PABPC4: variants seen among roughly 807,000 people sequenced by gnomAD.
The protein encoded by PABPC4 is polyadenylate-binding protein 4.
In PABPC4, 15 loss-of-function variants were observed where a neutral mutation model predicts 74.5. The observed-to-expected ratio is 0.20, with a 90% CI of 0.13 to 0.31. The LOEUF is 0.31. Ranked by LOEUF, PABPC4 falls within the 10% of genes least tolerant of loss-of-function variation. The pLI is 1.00. For synonymous variants in PABPC4, 345 were observed against 303.0 expected, an observed-to-expected ratio of 1.14 and a Z score of -1.44; for missense variants, 610 against 853.5, an observed-to-expected ratio of 0.71 and a Z score of 3.55.
intron 7 of PABPC4, among the ~76,000 whole-genome samples, chr1:39,566,457 C>A (rs1645844703): frequency 6.6e-6 from 1 of 152,176 alleles, no homozygotes; most frequent in South Asian, 2.1e-4. Flanking sequence ...GCTACAAAAC[C>A]ACAGGTCTAC....
At position 39,565,226 on chromosome 1, in the gene PABPC4, C is replaced by A; in HGVS notation, c.1125G>T (p.Lys375Asn). The change falls in exon 8 of 16, where the codon AAG becomes AAT. Residue 375 changes from lysine (K) to asparagine (N), a missense_variant. Physicochemically the swap from Lys to Asn is moderately conservative, Grantham distance 94. This residue lies in a region of PABPC4 where 304 missense variants were observed against 478.9 expected (regional missense o/e 0.63). Transcript: ENST00000372858. ...VALAQRKEER[K>N]AHLTNQYMQR... is the part of the protein sequence containing the mutation. Reference sequence around the variant, plus strand: ...GCATATACTGGTTGGTCAGGTGAGCCTTTCTCTCTTCCTTCCTCTGGGCCA... The same window carrying A: ...GCATATACTGGTTGGTCAGGTGAGCATTTCTCTCTTCCTTCCTCTGGGCCA... 1 of 1,614,208 alleles carries A rather than the reference C, an allele frequency of 6.2e-7. No individual in the cohort carries two copies. Among genetic ancestry groups the A allele is most frequent in the Non-Finnish European group, 8.5e-7 (1 of 1,180,044 alleles).
At chr1:39,567,022 G>A (rs1159516711) in intron 7 of PABPC4, among the ~76,000 whole-genome samples, 5 of 152,142 alleles carry the variant, frequency 3.3e-5, no homozygotes, top group Non-Finnish European at 7.3e-5. Context: ...AGGATTTTGT[G>A]GCATCTGGTA....
In PABPC4 at chr1:39,567,860, A is replaced by T. The variant is rs748216168; in HGVS notation, c.877-14T>A. 7.0e-7 allele frequency: 1 copy of T among 1,433,082 alleles called. No individual in the cohort carries two copies. Among genetic ancestry groups the T allele is most frequent in the Admixed American group, 1.7e-5 (1 of 59,452 alleles). 88.8% of individuals were successfully genotyped at this position (1,433,082 alleles called of 1,614,324 possible). On this transcript the variant is annotated splice_polypyrimidine_tract_variant and intron_variant, in intron 6 of 15. Coordinates refer to ENST00000372858, the MANE Select transcript of PABPC4 (RefSeq NM_001135653.2). ...GAGATTCACCCCCTGAAGGAAAAAG[A>T]TCACTGTTAACTACACTTCTATATC...
intron 5 of PABPC4, 147 bp from the exon 6 acceptor site, chr1:39,569,086 TC>T: frequency 1.3e-6 from 1 of 773,524 alleles, no homozygotes; most frequent in Non-Finnish European, 2.1e-6. Flanking sequence ...AATCCAAACT[TC>T]CTCATCTGTA....
At position 39,569,982 on chromosome 1, in the gene PABPC4, G is replaced by C. The variant is rs755956093; in HGVS notation, c.524C>G (p.Ser175Cys). 6.2e-7 allele frequency: 1 copy of C among 1,613,920 alleles called. No individual in the cohort carries two copies. Among genetic ancestry groups the C allele is most frequent in the Non-Finnish European group, 8.5e-7 (1 of 1,179,968 alleles). Residue 175 changes from serine (S) to cysteine (C), a missense_variant, in exon 4 of 16, where the codon TCT (serine) becomes TGT (cysteine). Ser to Cys is a moderately radical substitution (Grantham distance 112). Coordinates refer to ENST00000372858, the MANE Select transcript of PABPC4 (RefSeq NM_001135653.2). The stretch of plus-strand genomic sequence containing the variant: ...AAGCTCAGCTTCCCGCTCTTTGCGA[G>C]ACTTGAATCTGCCCACAAATCTAAA... ...DRKVFVGRFK[S>C]RKEREAELGA...
In PABPC4 at chr1:39,575,969, C is replaced by G; in HGVS notation, c.-18G>C. 1 of 1,477,488 alleles carries G rather than the reference C, an allele frequency of 6.8e-7. No individual in the cohort carries two copies. Among genetic ancestry groups the G allele is most frequent in the South Asian group, 1.3e-5 (1 of 77,632 alleles). The allele number at this position is 1,477,488 out of a possible 1,614,324, so 91.5% of individuals were successfully genotyped here. ...GCGTTCATCTCCCCGCCCCCCACCA[C>G]CCCGAGCCCCGCCAGGAGGACTTCT... is the stretch of plus-strand genomic sequence containing the variant. On this transcript the variant is annotated 5_prime_UTR_variant, in exon 1 of 16. Transcript: ENST00000372858.
At chr1:39,575,546 C>T (rs1025017650) in intron 1 of PABPC4, among the ~76,000 whole-genome samples, 1 of 152,182 alleles carries the variant, frequency 6.6e-6, no homozygotes, top group African/African-American at 2.4e-5. Context: ...TAATAAGTAG[C>T]CCAAGGTCAC....
chr1:39,564,283 G>T, intron 10 of PABPC4, 140 bp downstream of exon 10: 1 of 906,560 alleles, frequency 1.1e-6, no homozygotes, highest in Non-Finnish European at 1.7e-6. Flanking sequence ...CTCCTGAAGT[G>T]GCCACCTAAG....
At chr1:39,563,299 A>G (rs1417266646) in intron 12 of PABPC4, 2 of 301,130 alleles carry the variant, frequency 6.6e-6, no homozygotes, top group Non-Finnish European at 1.2e-5. Flanking sequence ...CCAAGGATCC[A>G]ATAGGTCATT....
At position 39,563,693 on chromosome 1, in the gene PABPC4, G is replaced by T. The variant is rs1645795001; in HGVS notation, c.1589C>A (p.Ala530Asp). 1.9e-6 allele frequency: 3 copies of T among 1,614,288 alleles called. No homozygotes were observed. Among genetic ancestry groups the T allele is most frequent in the Non-Finnish European group, 2.5e-6 (3 of 1,180,046 alleles). ...QNLAPRAAVA[A>D]AAPRAVAPYK... ...GGGGGCAACAGCCCGGGGAGCAGCA[G>T]CAGCAACAGCAGCGCGTGGCGCTAA... Residue 530 changes from alanine to aspartate, a missense_variant, in exon 12 of 16, where the codon GCT becomes GAT. Physicochemically the swap from Ala to Asp is moderately radical, Grantham distance 126. This residue lies in a region of PABPC4 where 277 missense variants were observed against 301.8 expected (regional missense o/e 0.92). Coordinates refer to ENST00000372858, the MANE Select transcript of PABPC4 (RefSeq NM_001135653.2).
chr1:39,571,639 A>T (rs1339122659), intron 2 of PABPC4: 2 of 521,302 alleles, frequency 3.8e-6, no homozygotes, highest in Non-Finnish European at 7.3e-6. Context: ...CTGTAATCCC[A>T]ATGCTTTGGG....
intron 10 of PABPC4, 65 bp downstream of exon 10, chr1:39,564,358 G>A: frequency 1.0e-5 from 16 of 1,586,560 alleles, no homozygotes; most frequent in Non-Finnish European, 1.3e-5. Flanking sequence ...ACCAACCCAG[G>A]ACAGAGCCTA....
chr1:39,574,354 C>T (rs930933791), intron 1 of PABPC4, among the ~76,000 whole-genome samples: 2 of 152,228 alleles, frequency 1.3e-5, no homozygotes, highest in African/African-American at 4.8e-5. Context: ...CGTCTATTTC[C>T]AGACAGCACT....
intron 6 of PABPC4, chr1:39,568,233 G>A (rs58302493): frequency 0.1 from 17,098 of 163,752 alleles, 1,190 homozygotes; most frequent in Non-Finnish European, 0.15. Flanking sequence ...CTCCAACCTG[G>A]GCGACAGAGC....
intron 1 of PABPC4, among the ~76,000 whole-genome samples, chr1:39,574,504 G>A (rs1358330): frequency 5.3e-4 from 81 of 152,326 alleles, no homozygotes; most frequent in African/African-American, 1.8e-3. Flanking sequence ...TTGTTCAAAA[G>A]TCAGTAAGGC....
rs760138378 is a variant in PABPC4 at position 39,568,884 on chromosome 1, C to T, written c.794G>A (p.Arg265His). The part of the protein sequence containing the change: ...EISGKIIFVG[R>H]AQKKVERQAE... Reference sequence around the variant, plus strand: ...CTGCCGTTCTACTTTCTTTTGTGCACGGCCTACAAATATGATTTTACCACT... The same window carrying T: ...CTGCCGTTCTACTTTCTTTTGTGCATGGCCTACAAATATGATTTTACCACT... The change falls in exon 6 of 16, where the codon CGT (arginine) becomes CAT (histidine). Residue 265 changes from arginine to histidine, a missense_variant. Around this residue, in one of 4 missense-constraint regions of PABPC4, gnomAD observed 304 missense variants for 478.9 expected, o/e 0.63. Transcript: ENST00000372858. The T allele has an allele frequency of 9.3e-6, 15 of 1,613,876 alleles. No homozygotes were observed. The highest frequency in any genetic ancestry group is 1.3e-5 in the African/African-American group (1 of 74,910).
chr1:39,567,274 AG>A, intron 7 of PABPC4: 1 of 417,162 alleles, frequency 2.4e-6, no homozygotes, highest in South Asian at 1.8e-5. Context: ...TACGAAACAT[AG>A]AAAAACCTTC....
chr1:39,561,720 G>A lies in PABPC4; in HGVS notation c.1961C>T (p.Ala654Val). ...TGTCTAAGAGGTAGCAGCAGCAACA[G>A]CGCCCACCTTCTGGGCAGCTTCTTT... Reference protein sequence around the residue: ...AKKEAAQKVGAVAAATS With the variant: ...AKKEAAQKVGVVAAATS Residue 654 changes from alanine to valine, a missense_variant, in exon 15 of 16, where the codon GCT becomes GTT. Ala to Val is a moderately conservative substitution (Grantham distance 64). This residue lies in a region of PABPC4 where 29 missense variants were observed against 51.6 expected (regional missense o/e 0.56). Transcript: ENST00000372858. The A allele has an allele frequency of 5.6e-6, 9 of 1,613,298 alleles. No homozygotes were observed. The highest frequency in any genetic ancestry group is 7.6e-6 in the Non-Finnish European group (9 of 1,179,712).
intron 2 of PABPC4, among the ~76,000 whole-genome samples, chr1:39,572,073 T>G (rs1645950175): frequency 6.6e-6 from 1 of 152,176 alleles, no homozygotes; most frequent in African/African-American, 2.4e-5. Context: ...GCTTCTAAAG[T>G]GATTAAGTTT....
Sources: gnomAD v4.1 joint callset for allele counts (sites outside exome capture counted in the v4.1 genomes callset) on GRCh38, gnomAD v4.1.1 for gene constraint, gnomAD v4.1.1 regional missense constraint, MANE v1.5 for transcripts, NCBI Gene and HGNC (gene_info 2026-07-23, HGNC 2026-07-21) for gene names.